Variants in DYNLRB2 observed in about 807,000 individuals in gnomAD.
DYNLRB2 encodes the protein bithoraxoid-like protein.
In DYNLRB2, 14 loss-of-function variants were observed where a neutral mutation model predicts 12.6. That is an observed-to-expected ratio of 1.11 (90% CI 0.73 to 1.73). The LOEUF is 1.73. Among genes scored for constraint, DYNLRB2 ranks in the 40% most tolerant of loss-of-function variants. The pLI is 0.00. For synonymous variants in DYNLRB2, 53 were observed against 37.0 expected (o/e 1.43, Z -1.57); for missense variants, 142 against 117.7 (o/e 1.21, Z -0.95).
chr16:80,544,671 T>C (rs1904340827), intron 2 of DYNLRB2: 1 of 152,218 alleles, frequency 6.6e-6, no homozygotes, highest in Non-Finnish European at 1.5e-5. Context: ...GCCTGTTAAC[T>C]TAAAACAACA....
intron 2 of DYNLRB2, among the ~76,000 whole-genome samples, chr16:80,548,712 G>A (rs1233495055): frequency 1.7e-5 from 2 of 116,424 alleles, no homozygotes; most frequent in African/African-American, 5.8e-5. Context: ...GCCTACAATA[G>A]CAAGACTCCG....
chr16:80,549,766 C>T, intron 3 of DYNLRB2, 115 bp downstream of exon 3: 1 of 1,096,266 alleles, frequency 9.1e-7, no homozygotes, highest in East Asian at 2.9e-5. Flanking sequence ...ACATAATATT[C>T]TTCTATTACA....
intron 2 of DYNLRB2, among the ~76,000 whole-genome samples, chr16:80,546,916 G>C (rs28657821): frequency 6.6e-6 from 1 of 152,068 alleles, no homozygotes. Context: ...GGATCACAGG[G>C]AGTCATATTG....
intron 1 of DYNLRB2, 93 bp downstream of exon 1, chr16:80,541,172 G>A (rs1904284926): frequency 6.7e-7 from 1 of 1,503,046 alleles, no homozygotes; most frequent in Non-Finnish European, 8.9e-7. Context: ...ACCCAGGCAC[G>A]GGCGGTCCAG....
intron 1 of DYNLRB2, chr16:80,541,503 G>C (rs1904287933): frequency 5.3e-6 from 3 of 568,344 alleles, no homozygotes; most frequent in African/African-American, 2.0e-5. Context: ...GGAAGGGTGA[G>C]AAGGGAAGAT....
intron 2 of DYNLRB2, chr16:80,547,733 CG>C (rs767076822): frequency 2.2e-6 from 1 of 455,640 alleles, no homozygotes; most frequent in South Asian, 1.6e-5. Flanking sequence ...ATGCTTGCTA[CG>C]TTTCCATTTT....
In DYNLRB2 at chr16:80,550,520, G is replaced by C; in HGVS notation, c.253G>C (p.Glu85Gln). The change falls in exon 4 of 4, where the codon GAA (glutamate) becomes CAA (glutamine). Residue 85 changes from glutamate to glutamine, a missense_variant. Transcript: ENST00000305904. Reference sequence around the variant, plus strand: ...TTTTATCCATCTCTCCATAGATAAGGAATATCTTCTGATCGTCATTCAGAA... The same window carrying C: ...TTTTATCCATCTCTCCATAGATAAGCAATATCTTCTGATCGTCATTCAGAA... ...KHEIMVAPDK[E>Q]YLLIVIQNPC... is the part of the protein sequence containing the mutation. 1 of 1,614,078 alleles carries C rather than the reference G, an allele frequency of 6.2e-7. No individual in the cohort carries two copies. The highest frequency in any genetic ancestry group is 8.5e-7 in the Non-Finnish European group (1 of 1,179,980).
At chr16:80,540,782 C>G (rs772135710), upstream of DYNLRB2, 8 of 703,820 alleles carry the variant, frequency 1.1e-5, no homozygotes, top group South Asian at 1.2e-4. Flanking sequence ...AATGGACAAA[C>G]ACAGGCCGGG....
In DYNLRB2 at chr16:80,549,580, A is replaced by G; in HGVS notation, c.176A>G (p.Asp59Gly). 1 of 1,612,696 alleles carries G rather than the reference A, an allele frequency of 6.2e-7. No homozygotes were observed. Among genetic ancestry groups the G allele is most frequent in the Non-Finnish European group, 8.5e-7 (1 of 1,179,030 alleles). Residue 59 changes from aspartate to glycine, a missense_variant, in exon 3 of 4, where the codon GAT becomes GGT. Asp to Gly is a moderately conservative substitution (Grantham distance 94, BLOSUM62 -1). Transcript: ENST00000305904. The part of the protein sequence containing the change: ...LTMKAKSTVR[D>G]IDPQNDLTFL... The stretch of plus-strand genomic sequence containing the variant: ...ATGAAAGCCAAAAGCACAGTTCGTG[A>G]TATTGATCCTCAGAACGACCTGACT...
At chr16:80,549,768 T>A in intron 3 of DYNLRB2, 117 bp downstream of exon 3, 1 of 1,037,834 alleles carries the variant, frequency 9.6e-7, no homozygotes, top group African/African-American at 1.6e-5. Context: ...ATAATATTCT[T>A]CTATTACAAA....
Position 80,541,001 on chromosome 16 carries a change from G to C in DYNLRB2, c.-76G>C. 4 of 1,574,376 alleles carry C rather than the reference G, an allele frequency of 2.5e-6. No homozygotes were observed. The South Asian group carries it at 3.4e-5, about 13-fold the overall frequency. ...GGGCCACTTCCTTTTTTGTCTCCTA[G>C]CAACGGCGGGTAGCGTTGTTGACAT... On this transcript the variant is annotated 5_prime_UTR_variant, in exon 1 of 4. Coordinates refer to ENST00000305904, the MANE Select transcript of DYNLRB2 (RefSeq NM_130897.3).
chr16:80,547,820 C>CA (rs760262397), intron 2 of DYNLRB2: 1 of 456,412 alleles, frequency 2.2e-6, no homozygotes, highest in Non-Finnish European at 4.4e-6. Context: ...AAAAAGTGGC[C>CA]AACAAATCAC....
At chr16:80,550,387 G>C (rs1263258575) in intron 3 of DYNLRB2, 128 bp from the exon 4 acceptor site, 50 of 1,016,940 alleles carry the variant, frequency 4.9e-5, no homozygotes, top group Non-Finnish European at 6.9e-5. Flanking sequence ...CATACGTGCA[G>C]ATAGGGTGGG....
At position 80,549,223 on chromosome 16, in the gene DYNLRB2, C is replaced by T. The variant is rs188910816; in HGVS notation, c.80-261C>T. On this transcript the variant is annotated intron_variant, in intron 2 of 3. Coordinates refer to ENST00000305904, the MANE Select transcript of DYNLRB2 (RefSeq NM_130897.3). Reference sequence around the variant, plus strand: ...AAAATAATGTTGATGACATTGTCAACAAGGACAACTTGTATGTTATAATTT... The same window carrying T: ...AAAATAATGTTGATGACATTGTCAATAAGGACAACTTGTATGTTATAATTT... 4.1e-5 allele frequency: 16 copies of T among 394,818 alleles called. No individual in the cohort carries two copies. The East Asian group carries it at 5.8e-4, about 14-fold the overall frequency. The allele number at this position is 394,818 out of a possible 1,614,324, so 24.5% of individuals were successfully genotyped here. A position where few individuals can be genotyped will look rare whatever the true frequency, so the allele number is the denominator to read the frequency against.
In DYNLRB2 at chr16:80,550,555, A is replaced by G; in HGVS notation, c.288A>G (p.Glu96=). 3 of 1,614,218 alleles carry G rather than the reference A, an allele frequency of 1.9e-6. No homozygotes were observed. Among genetic ancestry groups the G allele is most frequent in the Non-Finnish European group, 2.5e-6 (3 of 1,180,026 alleles). Residue 96 remains glutamate, a synonymous_variant, in exon 4 of 4, where the codon GAA becomes GAG. Coordinates refer to ENST00000305904, the MANE Select transcript of DYNLRB2 (RefSeq NM_130897.3). ...YLLIVIQNPC[E] is the part of the protein sequence containing the mutation. ...TGATCGTCATTCAGAATCCATGTGAATAGACCTGCGATGGCCAAGGCTGTT... is the reference window on the plus strand; with the variant it reads ...TGATCGTCATTCAGAATCCATGTGAGTAGACCTGCGATGGCCAAGGCTGTT...
Position 80,543,339 on chromosome 16 carries a change from G to T in DYNLRB2, c.67G>T (p.Val23Leu). ...SHKGVIGTMV[V>L]NAEGIPIRTT... The stretch of plus-strand genomic sequence containing the variant: ...TAAAGGGGTTATTGGAACTATGGTT[G>T]TAAATGCAGAAGGTAAATATATCAC... The change falls in exon 2 of 4, where the codon GTA (valine) becomes TTA (leucine). Residue 23 changes from valine (V) to leucine (L), a missense_variant. Coordinates refer to ENST00000305904, the MANE Select transcript of DYNLRB2 (RefSeq NM_130897.3). 1 of 1,613,966 alleles carries T rather than the reference G, an allele frequency of 6.2e-7. No individual in the cohort carries two copies. The highest frequency in any genetic ancestry group is 8.5e-7 in the Non-Finnish European group (1 of 1,179,854).
intron 2 of DYNLRB2, among the ~76,000 whole-genome samples, chr16:80,548,411 C>G (rs915424261): frequency 6.6e-6 from 1 of 152,150 alleles, no homozygotes; most frequent in Non-Finnish European, 1.5e-5. Context: ...TTAATAGTTT[C>G]TGTTTTAAAC....
In DYNLRB2 at chr16:80,549,516, A is replaced by T; in HGVS notation, c.112A>T (p.Thr38Ser). Residue 38 changes from threonine (T) to serine (S), a missense_variant, in exon 3 of 4, where the codon ACA becomes TCA. Coordinates refer to ENST00000305904, the MANE Select transcript of DYNLRB2 (RefSeq NM_130897.3). ...IPIRTTLDNS[T>S]TVQYAGLLHH... ...CATCCGAACAACCTTGGACAACTCA[A>T]CAACTGTTCAATATGCAGGCCTTCT... The T allele has an allele frequency of 1.2e-6, 2 of 1,612,366 alleles. No individual in the cohort carries two copies. The highest frequency in any genetic ancestry group is 2.2e-5 in the East Asian group (1 of 44,844).
At chr16:80,549,974 C>T (rs377243658) in intron 3 of DYNLRB2, among the ~76,000 whole-genome samples, 2 of 152,158 alleles carry the variant, frequency 1.3e-5, no homozygotes, top group African/African-American at 4.8e-5. Flanking sequence ...TGTTCCCTGT[C>T]CTGGGGATAA....
Sources: gnomAD v4.1 joint callset for allele counts (sites outside exome capture counted in the v4.1 genomes callset) on GRCh38, gnomAD v4.1.1 for gene constraint, MANE v1.5 for transcripts, NCBI Gene and HGNC (gene_info 2026-07-23, HGNC 2026-07-21) for gene names.